The following PTK2 variants were observed in gnomAD, a reference collection of about 807,000 sequenced individuals.
The protein encoded by PTK2 is protein tyrosine kinase 2, also known as focal adhesion kinase 1.
Under a neutral mutation model 150.1 loss-of-function variants are expected in PTK2, and 45 were observed. The observed-to-expected ratio is 0.30, with a 90% CI of 0.24 to 0.38. The LOEUF is 0.38. Ranked by LOEUF, PTK2 falls within the 10% of genes least tolerant of loss-of-function variation. PTK2 has a pLI of 1.00. For synonymous variants in PTK2, 432 were observed against 449.2 expected (o/e 0.96, Z 0.48); for missense variants, 919 against 1,307.3 (o/e 0.70, Z 4.58).
At chr8:140,856,367 A>G (rs905398365) in intron 5 of PTK2, among the ~76,000 whole-genome samples, 1 of 37,146 alleles carries the variant, frequency 2.7e-5, no homozygotes, top group Non-Finnish European at 5.5e-5. Context: ...ATAATAGTAA[A>G]AAACAAAACA....
chr8:140,872,114 A>G (rs1034769513), intron 4 of PTK2, among the ~76,000 whole-genome samples: 37 of 152,212 alleles, frequency 2.4e-4, no homozygotes, highest in Middle Eastern at 3.4e-3. Flanking sequence ...ACACTATCTC[A>G]GCTCACTGCA....
At chr8:140,857,180 T>C (rs905271313) in intron 5 of PTK2, among the ~76,000 whole-genome samples, 6 of 152,352 alleles carry the variant, frequency 3.9e-5, no homozygotes, top group African/African-American at 1.4e-4. Flanking sequence ...TACCTTCTTA[T>C]ATACTATTAG....
At chr8:140,685,933 G>A (rs2100019516) in intron 27 of PTK2, among the ~76,000 whole-genome samples, 1 of 152,148 alleles carries the variant, frequency 6.6e-6, no homozygotes, top group South Asian at 2.1e-4. Flanking sequence ...ACACATGCAT[G>A]CTTATATTCA....
chr8:140,706,046 A>G, intron 24 of PTK2, 73 bp downstream of exon 27: 4 of 1,225,364 alleles, frequency 3.3e-6, no homozygotes, highest in Admixed American at 1.8e-5. Flanking sequence ...AAAAATATGC[A>G]CAATGTACCG....
chr8:140,837,809 A>G (rs1262680644), intron 7 of PTK2, among the ~76,000 whole-genome samples: 1 of 152,022 alleles, frequency 6.6e-6, no homozygotes, highest in African/African-American at 2.4e-5. Flanking sequence ...CTGTAATCCT[A>G]GCACTTTAGA....
intron 22 of PTK2, chr8:140,732,585 G>A (rs2100050151): frequency 1.9e-6 from 1 of 530,574 alleles, no homozygotes; most frequent in South Asian, 1.4e-5. Flanking sequence ...GACCATCCCT[G>A]TCCTCAAGGA....
intron 22 of PTK2, among the ~76,000 whole-genome samples, chr8:140,729,328 G>A (rs889522361): frequency 2.6e-5 from 4 of 152,338 alleles, no homozygotes; most frequent in Middle Eastern, 3.4e-3. Flanking sequence ...GTTCCCAGCA[G>A]GCTCTCTGGA....
chr8:140,697,005 G>A (rs909218333), intron 26 of PTK2, among the ~76,000 whole-genome samples: 2 of 152,024 alleles, frequency 1.3e-5, no homozygotes, highest in Non-Finnish European at 2.9e-5. Context: ...GTGGTGGTGC[G>A]TGACTGTAGT....
intron 8 of PTK2, among the ~76,000 whole-genome samples, chr8:140,826,465 C>A (rs956268652): frequency 3.3e-5 from 5 of 152,166 alleles, no homozygotes; most frequent in Non-Finnish European, 2.9e-5. Context: ...TACAGTGATT[C>A]CCTTATTAAA....
intron 2 of PTK2, among the ~76,000 whole-genome samples, chr8:140,904,079 A>G (rs912862876): frequency 3.3e-5 from 5 of 152,164 alleles, no homozygotes; most frequent in Non-Finnish European, 7.4e-5. Flanking sequence ...GTCTTGTGCC[A>G]GTTTTCAAAG....
At chr8:140,870,893 G>T (rs954650814) in intron 4 of PTK2, among the ~76,000 whole-genome samples, 1 of 152,048 alleles carries the variant, frequency 6.6e-6, no homozygotes, top group Admixed American at 6.6e-5. Flanking sequence ...AACCTTGGGA[G>T]ATTCTGCCCC....
intron 22 of PTK2, chr8:140,718,053 C>T (rs934453801): frequency 1.2e-5 from 3 of 248,880 alleles, no homozygotes; most frequent in Non-Finnish European, 2.4e-5. Context: ...AGAAATCCCA[C>T]GCAGCACTTT....
At chr8:140,984,788 C>T (rs2100192709) in intron 1 of PTK2, among the ~76,000 whole-genome samples, 1 of 152,130 alleles carries the variant, frequency 6.6e-6, no homozygotes. Flanking sequence ...TAAACCACAG[C>T]TCAACTTACT....
intron 1 of PTK2, among the ~76,000 whole-genome samples, chr8:140,975,081 A>G (rs983509066): frequency 6.6e-6 from 1 of 152,190 alleles, no homozygotes; most frequent in Admixed American, 6.5e-5. Flanking sequence ...TATATGTACA[A>G]CATAATTAAA....
chr8:140,879,673 ACT>A, intron 3 of PTK2, 36 bp from the exon 4 acceptor site: 1 of 340,946 alleles, frequency 2.9e-6, no homozygotes, highest in Non-Finnish European at 4.8e-6. Context: ...ACTGTTATAA[ACT>A]GAAAAAAAAA....
chr8:140,793,276 A>C (rs1302459690), intron 13 of PTK2, 78 bp downstream of exon 13: 8 of 1,484,166 alleles, frequency 5.4e-6, no homozygotes. Context: ...TTTTTTAGGA[A>C]AATGAATAAT....
chr8:140,735,016 G>A lies in PTK2; in HGVS notation c.2030+235C>T, dbSNP rs963565245. The A allele has an allele frequency of 2.5e-5, 14 of 556,198 alleles. No individual in the cohort carries two copies. The South Asian group carries it at 3.0e-4, about 12-fold the overall frequency. The allele number at this position is 556,198 out of a possible 1,614,324, so 34.5% of individuals were successfully genotyped here. A position where few individuals can be genotyped will look rare whatever the true frequency, so the allele number is the denominator to read the frequency against. Reference sequence around the variant, plus strand: ...AAGCCATGCTAAGTCAGAAGCTAGGGGAGAGAGATTTGACCATAATTGGAG... The same window carrying A: ...AAGCCATGCTAAGTCAGAAGCTAGGAGAGAGAGATTTGACCATAATTGGAG... On this transcript the variant is annotated intron_variant, in intron 22 of 31. Coordinates refer to ENST00000522684, the Ensembl canonical transcript of PTK2.
At chr8:140,759,074 T>C (rs1369902498) in intron 16 of PTK2, among the ~76,000 whole-genome samples, 2 of 152,228 alleles carry the variant, frequency 1.3e-5, no homozygotes, top group Non-Finnish European at 2.9e-5. Context: ...TGCGTAAGTA[T>C]ACCGTGTAAC....
chr8:140,671,761 A>C (rs1230811631), intron 29 of PTK2, among the ~76,000 whole-genome samples: 39 of 42,030 alleles, frequency 9.3e-4, no homozygotes, highest in African/African-American at 2.6e-3. Context: ...AAAATACCCA[A>C]AAAAAAAAAA....
Sources: allele counts gnomAD v4.1 joint callset (sites outside exome capture counted in the v4.1 genomes callset), GRCh38; gene constraint gnomAD v4.1.1; transcripts MANE v1.5; gene names NCBI Gene and HGNC (gene_info 2026-07-23, HGNC 2026-07-21).